The following IL1R1 variants were observed in gnomAD, a reference collection of about 807,000 sequenced individuals.
The protein encoded by IL1R1 is interleukin 1 receptor type 1, also known as interleukin-1 receptor type 1.
Under a neutral mutation model 50.2 loss-of-function variants are expected in IL1R1, and 22 were observed. The observed-to-expected ratio is 0.44, with a 90% CI of 0.31 to 0.63. The LOEUF is 0.63. Ranked by LOEUF, IL1R1 falls within the 20% of genes least tolerant of loss-of-function variation. The pLI, the probability that IL1R1 is intolerant of heterozygous loss-of-function variation, is 0.07. For missense variants in IL1R1, 509 were observed against 676.2 expected, an observed-to-expected ratio of 0.75 and a Z score of 2.74; for synonymous variants, 251 against 236.7, an observed-to-expected ratio of 1.06 and a Z score of -0.55.
intron 1 of IL1R1, among the ~76,000 whole-genome samples, chr2:102,080,467 T>G (rs1468918506): frequency 6.6e-6 from 1 of 152,188 alleles, no homozygotes; most frequent in Non-Finnish European, 1.5e-5. Flanking sequence ...GCTAAGCACA[T>G]TAAAAGATGC....
intron 10 of IL1R1, 58 bp downstream of exon 10, chr2:102,174,788 T>C: frequency 7.0e-7 from 1 of 1,429,076 alleles, no homozygotes; most frequent in Non-Finnish European, 9.5e-7. Context: ...AGTTAGGAGA[T>C]GTAGAAGATG....
At chr2:102,111,384 T>C (rs1335605165) in intron 1 of IL1R1, among the ~76,000 whole-genome samples, 1 of 152,222 alleles carries the variant, frequency 6.6e-6, no homozygotes, top group African/African-American at 2.4e-5. Context: ...TTGGCCAACC[T>C]TGTCCTCCGT....
intron 7 of IL1R1, among the ~76,000 whole-genome samples, chr2:102,169,480 A>G (rs1685487392): frequency 6.6e-6 from 1 of 152,256 alleles, no homozygotes; most frequent in Admixed American, 6.5e-5. Context: ...ACAGACAAGC[A>G]CAAATATAGA....
upstream of IL1R1, among the ~76,000 whole-genome samples, chr2:102,100,475 A>G (rs1360743775): frequency 6.6e-6 from 1 of 152,220 alleles, no homozygotes. Context: ...ATCCAACTCT[A>G]CTAACCATAT....
chr2:102,128,112 A>G (rs1020191253), intron 1 of IL1R1, among the ~76,000 whole-genome samples: 5 of 152,222 alleles, frequency 3.3e-5, no homozygotes. Flanking sequence ...TTGTGTCGAA[A>G]TACCCTCCTT....
chr2:102,116,938 C>T (rs913007514), intron 1 of IL1R1, among the ~76,000 whole-genome samples: 37 of 152,006 alleles, frequency 2.4e-4, no homozygotes, highest in African/African-American at 7.7e-4. Flanking sequence ...TCCATTGTGA[C>T]GTGTTTGGCT....
intron 1 of IL1R1, among the ~76,000 whole-genome samples, chr2:102,091,251 C>T (rs1426200560): frequency 1.3e-5 from 2 of 152,006 alleles, no homozygotes; most frequent in African/African-American, 2.4e-5. Flanking sequence ...AGTTTTTTTT[C>T]TTTCTTTCTT....
intron 1 of IL1R1, among the ~76,000 whole-genome samples, chr2:102,129,768 C>T (rs568207322): frequency 1.7e-4 from 26 of 152,292 alleles, no homozygotes; most frequent in African/African-American, 6.3e-4. Flanking sequence ...CAGAGGGCTG[C>T]AGAAGCTTTA....
At chr2:102,175,405 G>T in intron 10 of IL1R1, 73 bp from the exon 11 acceptor site, 5 of 1,165,030 alleles carry the variant, frequency 4.3e-6, no homozygotes, top group Non-Finnish European at 6.4e-6. Context: ...TGTAATGAAT[G>T]TTTGTGATAC....
At chr2:102,171,553 T>TC (rs1183289565) in intron 7 of IL1R1, among the ~76,000 whole-genome samples, 1 of 152,100 alleles carries the variant, frequency 6.6e-6, no homozygotes, top group Non-Finnish European at 1.5e-5. Flanking sequence ...AAATTCCCAA[T>TC]CCACAGTAAT....
At chr2:102,071,415 A>G (rs1678713819) in intron 1 of IL1R1, among the ~76,000 whole-genome samples, 1 of 152,202 alleles carries the variant, frequency 6.6e-6, no homozygotes, top group African/African-American at 2.4e-5. Context: ...TTCTTGAAAA[A>G]TCCATTGCAT....
chr2:102,172,493 C>T (rs754757139), intron 8 of IL1R1, 194 bp from the exon 9 acceptor site: 28 of 1,155,304 alleles, frequency 2.4e-5, no homozygotes, highest in Non-Finnish European at 3.0e-5. Context: ...GAGCCTGTTA[C>T]TGACAGTGGT....
At chr2:102,073,040 T>C (rs1410978260) in intron 1 of IL1R1, among the ~76,000 whole-genome samples, 2 of 152,206 alleles carry the variant, frequency 1.3e-5, no homozygotes, top group Non-Finnish European at 2.9e-5. Flanking sequence ...TGTCCTCATT[T>C]TTCTTAAATG....
intron 1 of IL1R1, among the ~76,000 whole-genome samples, chr2:102,093,564 G>T (rs1201008885): frequency 6.6e-6 from 1 of 152,112 alleles, no homozygotes; most frequent in African/African-American, 2.4e-5. Flanking sequence ...CCGCATTCTG[G>T]ATTAATTTGC....
intron 1 of IL1R1, among the ~76,000 whole-genome samples, chr2:102,135,716 A>G (rs1682307427): frequency 6.6e-6 from 1 of 152,194 alleles, no homozygotes; most frequent in African/African-American, 2.4e-5. Flanking sequence ...TTTGTTCTAG[A>G]GTCCCTGAAT....
chr2:102,142,736 C>G (rs1019067322), upstream of IL1R1: 2 of 150,590 alleles, frequency 1.3e-5, no homozygotes, highest in African/African-American at 2.4e-5. Flanking sequence ...GAGCCAGAGC[C>G]GCGCCCGGCA....
chr2:102,175,683 G>T, intron 11 of IL1R1, 38 bp downstream of exon 11: 1 of 1,580,830 alleles, frequency 6.3e-7, no homozygotes, highest in Non-Finnish European at 8.7e-7. Flanking sequence ...GCTTATTGTT[G>T]TAAAACTACT....
chr2:102,082,967 A>C (rs527950435), intron 1 of IL1R1, among the ~76,000 whole-genome samples: 1 of 152,310 alleles, frequency 6.6e-6, no homozygotes, highest in South Asian at 2.1e-4. Context: ...GACCTCAGCC[A>C]ATTTTATGAA....
chr2:102,154,599 C>T (rs1216561353), intron 2 of IL1R1, among the ~76,000 whole-genome samples: 1 of 152,150 alleles, frequency 6.6e-6, no homozygotes, highest in Non-Finnish European at 1.5e-5. Flanking sequence ...CCCCCGCCTG[C>T]CTGTCTGTCA....
Sources: gnomAD v4.1 joint callset for allele counts (sites outside exome capture counted in the v4.1 genomes callset) on GRCh38, gnomAD v4.1.1 for gene constraint, MANE v1.5 for transcripts, NCBI Gene and HGNC (gene_info 2026-07-23, HGNC 2026-07-21) for gene names.